Variants in UGT2A1 observed in about 807,000 individuals in gnomAD.
UGT2A1 encodes UDP-glucuronosyltransferase 2A1.
UGT2A1 carries 61 observed loss-of-function variants against 45.4 expected under a neutral mutation model. That is an observed-to-expected ratio of 1.34 (90% confidence interval 1.09 to 1.66). The LOEUF (loss-of-function observed/expected upper bound fraction) is 1.66, where lower values mean the gene tolerates loss of function less well. Among genes scored for constraint, UGT2A1 ranks in the 40% most tolerant of loss-of-function variants. The pLI, the probability that UGT2A1 is intolerant of heterozygous loss-of-function variation, is 0.00. For missense variants in UGT2A1, 649 were observed against 574.3 expected (o/e 1.13, Z -1.33); for synonymous variants, 229 against 196.2 (o/e 1.17, Z -1.40).
rs55864295 is a variant in UGT2A1, at chr4:69,647,083, A to G, written c.562T>C (p.Tyr188His). Reference protein sequence around the residue: ...TVEKHCGKVPYPPSYVPAVLS... With the variant: ...TVEKHCGKVPHPPSYVPAVLS... The stretch of plus-strand genomic sequence containing the variant: ...ACAGCAGGAACATAGGAAGGAGGGT[A>G]TGGTACCTTCCCACAGTGCTTTTCC... Residue 188 changes from tyrosine to histidine, a missense_variant, in exon 2 of 7, where the codon TAC becomes CAC. Tyr to His is a moderately conservative substitution (Grantham distance 83). Coordinates refer to ENST00000286604, the MANE Select transcript of UGT2A1 (RefSeq NM_001252275.3). The G allele has an allele frequency of 0.16, 264,601 of 1,612,524 alleles. 24,038 individuals are homozygous for G. The highest frequency in any genetic ancestry group is 0.19 in the Middle Eastern group (1,125 of 6,048).
intron 3 of UGT2A1, among the ~76,000 whole-genome samples, chr4:69,623,412 TA>T (rs1184442699): frequency 1.3e-5 from 2 of 151,628 alleles, no homozygotes; most frequent in Non-Finnish European, 2.9e-5. Context: ...AGGCAGTGGA[TA>T]AAATGGGATA....
chr4:69,619,138 C>T (rs1353537045), intron 3 of UGT2A1, among the ~76,000 whole-genome samples: 4 of 151,866 alleles, frequency 2.6e-5, no homozygotes, highest in Admixed American at 2.6e-4. Context: ...TGCTTCATGC[C>T]TACAATCCCA....
At chr4:69,627,463 A>AGCAG (rs1002480493) in intron 3 of UGT2A1, among the ~76,000 whole-genome samples, 25 of 63,906 alleles carry the variant, frequency 3.9e-4, no homozygotes, top group South Asian at 1.1e-3. Flanking sequence ...CAGACAGGCA[A>AGCAG]GCAGGCAGGC....
At chr4:69,636,379 T>C (rs1387264004) in intron 2 of UGT2A1, among the ~76,000 whole-genome samples, 1 of 152,210 alleles carries the variant, frequency 6.6e-6, no homozygotes, top group African/African-American at 2.4e-5. Flanking sequence ...AATGGGGTTT[T>C]ACCAGTTCTT....
In UGT2A1 at chr4:69,647,652, C is replaced by T; in HGVS notation, c.-8G>A. ...CAGAAGGTTGTTTAACATGATGTGG[C>T]TTGATGCAGAAGATTTGATGAGATG... is the stretch of plus-strand genomic sequence containing the variant. On this transcript the variant is annotated 5_prime_UTR_variant, in exon 2 of 7. Transcript: ENST00000286604. 6.6e-7 allele frequency: 1 copy of T among 1,521,390 alleles called. No individual in the cohort carries two copies. Among genetic ancestry groups the T allele is most frequent in the Non-Finnish European group, 8.8e-7 (1 of 1,130,744 alleles). 94.2% of individuals were successfully genotyped at this position (1,521,390 alleles called of 1,614,324 possible). A position where few individuals can be genotyped will look rare whatever the true frequency, so the allele number is the denominator to read the frequency against.
rs1263652895 is a variant in UGT2A1, at chr4:69,638,790, C to A, written c.716-2968G>T. 6 of 1,335,462 alleles carry A rather than the reference C, an allele frequency of 4.5e-6. No individual in the cohort carries two copies. In the East Asian group the frequency reaches 1.5e-4, roughly 34 times the overall value. The allele number at this position is 1,335,462 out of a possible 1,614,324, so 82.7% of individuals were successfully genotyped here. A position where few individuals can be genotyped will look rare whatever the true frequency, so the allele number is the denominator to read the frequency against. ...TTGTTTGTACAGAGATATAAGAAGT[C>A]CATTATCTTCAGCTCAGCATATGCA... is the stretch of plus-strand genomic sequence containing the variant. On this transcript the variant is annotated intron_variant, in intron 2 of 6. Coordinates refer to ENST00000286604, the MANE Select transcript of UGT2A1 (RefSeq NM_001252275.3).
chr4:69,633,972 G>A (rs1260750584), intron 3 of UGT2A1, among the ~76,000 whole-genome samples: 1 of 152,092 alleles, frequency 6.6e-6, no homozygotes, highest in Non-Finnish European at 1.5e-5. Flanking sequence ...CCGGCCGCGC[G>A]CGGTGGCTCA....
At chr4:69,619,881 A>G (rs770906093) in intron 3 of UGT2A1, among the ~76,000 whole-genome samples, 2 of 152,044 alleles carry the variant, frequency 1.3e-5, no homozygotes, top group Non-Finnish European at 2.9e-5. Flanking sequence ...TTCATCATGT[A>G]AACAGAAACA....
chr4:69,610,531 C>G (rs1489234647), intron 3 of UGT2A1, among the ~76,000 whole-genome samples: 6 of 152,078 alleles, frequency 3.9e-5, no homozygotes, highest in African/African-American at 1.4e-4. Flanking sequence ...TTTAAATAAT[C>G]TGTTTTAAAA....
chr4:69,646,926 A>T lies in UGT2A1; in HGVS notation c.715+4T>A. The T allele has an allele frequency of 6.5e-7, 1 of 1,537,230 alleles. No homozygotes were observed. Among genetic ancestry groups the T allele is most frequent in the South Asian group, 1.3e-5 (1 of 77,930 alleles). The stretch of plus-strand genomic sequence containing the variant: ...AAGTAATAAAAACAAAATTTGTTAC[A>T]TACCTAAAGCTTTACTATAGTATGA... On this transcript the variant is annotated splice_donor_region_variant and intron_variant, in intron 2 of 6. Transcript: ENST00000286604.
At chr4:69,620,631 T>C (rs1260642325) in intron 3 of UGT2A1, among the ~76,000 whole-genome samples, 1 of 146,636 alleles carries the variant, frequency 6.8e-6, no homozygotes, top group Non-Finnish European at 1.5e-5. Flanking sequence ...AATAAAAAAC[T>C]ATTTTAAAAT....
intron 5 of UGT2A1, 148 bp from the exon 6 acceptor site, chr4:69,594,844 T>G: frequency 9.3e-7 from 1 of 1,071,350 alleles, no homozygotes; most frequent in Non-Finnish European, 1.3e-6. Context: ...CATTGGAATG[T>G]CAGAAAACTG....
chr4:69,651,504 C>A (rs1320804275), intron 1 of UGT2A1, among the ~76,000 whole-genome samples: 1 of 152,144 alleles, frequency 6.6e-6, no homozygotes, highest in Non-Finnish European at 1.5e-5. Flanking sequence ...AGCTAGCATA[C>A]TCAAATATTT....
intron 4 of UGT2A1, chr4:69,596,460 T>G: frequency 7.2e-7 from 1 of 1,391,614 alleles, no homozygotes; most frequent in Admixed American, 2.7e-5. Context: ...TTTAAGTAGG[T>G]AAAATTAAGA....
chr4:69,611,730 G>T (rs1720072639), intron 3 of UGT2A1, among the ~76,000 whole-genome samples: 1 of 151,964 alleles, frequency 6.6e-6, no homozygotes. Context: ...ATAAAAATCA[G>T]CACACTGCCA....
chr4:69,616,833 CT>C (rs4148315), intron 3 of UGT2A1, among the ~76,000 whole-genome samples: 6,249 of 127,200 alleles, frequency 0.049, 123 homozygotes, highest in Middle Eastern at 0.093. Flanking sequence ...ATTTTCTTTT[CT>C]TTTTTTTTTT....
chr4:69,628,287 A>AG (rs1349944712), intron 3 of UGT2A1, among the ~76,000 whole-genome samples: 2 of 151,774 alleles, frequency 1.3e-5, no homozygotes, highest in Non-Finnish European at 2.9e-5. Context: ...GAGCCACAAA[A>AG]AAACAAATAT....
At chr4:69,597,436 C>A (rs1718993677) in intron 4 of UGT2A1, among the ~76,000 whole-genome samples, 1 of 152,132 alleles carries the variant, frequency 6.6e-6, no homozygotes, top group Non-Finnish European at 1.5e-5. Flanking sequence ...TTTGACACTG[C>A]AAAATCTGAG....
chr4:69,630,944 A>G (rs1312922669), intron 3 of UGT2A1, among the ~76,000 whole-genome samples: 2 of 152,144 alleles, frequency 1.3e-5, no homozygotes, highest in African/African-American at 2.4e-5. Context: ...ACTAAGTGGC[A>G]GAGTTAACAA....
Sources: gnomAD v4.1 joint callset for allele counts (sites outside exome capture counted in the v4.1 genomes callset) on GRCh38, gnomAD v4.1.1 for gene constraint, MANE v1.5 for transcripts, NCBI Gene and HGNC (gene_info 2026-07-23, HGNC 2026-07-21) for gene names.